Variants in OSBPL6 observed in about 807,000 individuals in gnomAD.
The protein encoded by OSBPL6 is oxysterol-binding protein-related protein 6.
Under a neutral mutation model 125.8 loss-of-function variants are expected in OSBPL6, and 49 were observed. The observed-to-expected ratio is 0.39, with a 90% CI of 0.31 to 0.49. OSBPL6 has a LOEUF of 0.49. OSBPL6 is among the 20% of genes least tolerant of loss of function. OSBPL6 has a pLI of 0.88. For synonymous variants in OSBPL6, 394 were observed against 391.8 expected (o/e 1.01, Z -0.07); for missense variants, 986 against 1,135.4 (o/e 0.87, Z 1.89).
At chr2:178,265,008 G>C (rs2092184138) in intron 1 of OSBPL6, among the ~76,000 whole-genome samples, 1 of 151,406 alleles carries the variant, frequency 6.6e-6, no homozygotes, top group African/African-American at 2.4e-5. Context: ...TCCTGCCTCA[G>C]CCTCCTGAGT....
Position 178,336,400 on chromosome 2 carries a change from C to A in OSBPL6, c.757C>A (p.Gln253Lys). The change falls in exon 9 of 25, where the codon CAG (glutamine) becomes AAG (lysine). Residue 253 changes from glutamine (Q) to lysine (K), a missense_variant. By Grantham distance (53) the Gln-to-Lys change is moderately conservative (BLOSUM62 1). Transcript: ENST00000190611. The stretch of plus-strand genomic sequence containing the variant: ...CCAGAGTAAAGTGGCAGCCTGGTTA[C>A]AGGACTCGGAAGAGATGGACAGGTG... ...TGQSKVAAWL[Q>K]DSEEMDRCAE... 6.2e-7 allele frequency: 1 copy of A among 1,614,146 alleles called. No individual in the cohort carries two copies. Among genetic ancestry groups the A allele is most frequent in the East Asian group, 2.2e-5 (1 of 44,888 alleles).
intron 1 of OSBPL6, among the ~76,000 whole-genome samples, chr2:178,281,137 G>A (rs1166282249): frequency 6.6e-6 from 1 of 151,028 alleles, no homozygotes; most frequent in Non-Finnish European, 1.5e-5. Flanking sequence ...TCAGCCTCCC[G>A]AATAGCTGGG....
chr2:178,282,659 T>G (rs1282584062), intron 1 of OSBPL6, among the ~76,000 whole-genome samples: 1 of 152,054 alleles, frequency 6.6e-6, no homozygotes, highest in Non-Finnish European at 1.5e-5. Flanking sequence ...TGCTTTTTGT[T>G]TTTTGTTTTT....
rs141006661 is a variant in OSBPL6, at chr2:178,374,428, T to C, written c.1533+401T>C. On this transcript the variant is annotated intron_variant, in intron 15 of 24. Coordinates refer to ENST00000190611, the MANE Select transcript of OSBPL6 (RefSeq NM_032523.4). Reference sequence around the variant, plus strand: ...TACACAGACACATACATATTAGATATTTTTGCTAGGGACATGAATTTAAAC... The same window carrying C: ...TACACAGACACATACATATTAGATACTTTTGCTAGGGACATGAATTTAAAC... 6.0e-3 allele frequency among the ~76,000 whole-genome samples: 920 copies of C among 152,324 alleles called. 7 individuals carry two copies. The highest frequency in any genetic ancestry group is 0.021 in the African/African-American group (879 of 41,566).
At chr2:178,373,041 G>A (rs1693545860) in intron 14 of OSBPL6, among the ~76,000 whole-genome samples, 1 of 152,140 alleles carries the variant, frequency 6.6e-6, no homozygotes, top group South Asian at 2.1e-4. Flanking sequence ...TGATACTAAG[G>A]TCATATTTGT....
At chr2:178,284,744 A>G (rs1684542470) in intron 1 of OSBPL6, among the ~76,000 whole-genome samples, 183 bp from the exon 2 acceptor site, 1 of 152,178 alleles carries the variant, frequency 6.6e-6, no homozygotes, top group Non-Finnish European at 1.5e-5. Context: ...GTCAGTGGTT[A>G]CGTCTTTGAG....
chr2:178,339,684 G>T lies in OSBPL6; in HGVS notation c.907G>T (p.Asp303Tyr), dbSNP rs1193470372. Residue 303 changes from aspartate (D) to tyrosine (Y), a missense_variant, in exon 11 of 25, where the codon GAT becomes TAT. Transcript: ENST00000190611. Reference sequence around the variant, plus strand: ...TTGTGTAATGTAGGCTAACTGTGTAGATATTTCAAAGAAAGACAAGCGGGT... The same window carrying T: ...TTGTGTAATGTAGGCTAACTGTGTATATATTTCAAAGAAAGACAAGCGGGT... ...NFTDMQANCV[D>Y]ISKKDKRVTR... 1 of 1,604,708 alleles carries T rather than the reference G, an allele frequency of 6.2e-7. No homozygotes were observed. The highest frequency in any genetic ancestry group is 1.7e-5 in the Admixed American group (1 of 58,242).
chr2:178,327,045 A>G (rs1688754349), intron 4 of OSBPL6, among the ~76,000 whole-genome samples: 1 of 150,268 alleles, frequency 6.7e-6, no homozygotes, highest in African/African-American at 2.5e-5. Context: ...AAAAGACTAC[A>G]CAGTGGGTAC....
chr2:178,324,621 C>G (rs1202203602), intron 4 of OSBPL6, among the ~76,000 whole-genome samples: 1 of 152,120 alleles, frequency 6.6e-6, no homozygotes, highest in Non-Finnish European at 1.5e-5. Flanking sequence ...AAAATAATAA[C>G]AGCTACCATT....
intron 8 of OSBPL6, among the ~76,000 whole-genome samples, chr2:178,334,160 A>C (rs1179812943): frequency 6.6e-6 from 1 of 152,208 alleles, no homozygotes; most frequent in Non-Finnish European, 1.5e-5. Flanking sequence ...CCTTTGATTC[A>C]ATAATTAAGT....
chr2:178,320,955 C>T (rs924335476), intron 3 of OSBPL6, among the ~76,000 whole-genome samples: 11 of 152,188 alleles, frequency 7.2e-5, no homozygotes, highest in East Asian at 3.9e-4. Context: ...GTCAAGAGAT[C>T]GAGACCATCC....
At chr2:178,330,788 C>A (rs752324297) in intron 5 of OSBPL6, among the ~76,000 whole-genome samples, 1 of 152,018 alleles carries the variant, frequency 6.6e-6, no homozygotes, top group Non-Finnish European at 1.5e-5. Context: ...TTGACCGGGC[C>A]CTGGGAGCTG....
At chr2:178,203,942 G>C (rs999139622) in intron 1 of OSBPL6, among the ~76,000 whole-genome samples, 5 of 151,650 alleles carry the variant, frequency 3.3e-5, no homozygotes, top group Non-Finnish European at 5.9e-5. Flanking sequence ...TCTCTAGTGC[G>C]TTCTAGTGTT....
At chr2:178,200,860 A>G (rs1268826559) in intron 1 of OSBPL6, among the ~76,000 whole-genome samples, 2 of 151,488 alleles carry the variant, frequency 1.3e-5, no homozygotes, top group African/African-American at 4.9e-5. Flanking sequence ...CAGTGGCGCG[A>G]TCTCGGCTCA....
At chr2:178,309,734 G>T (rs1339323503) in intron 3 of OSBPL6, among the ~76,000 whole-genome samples, 1 of 152,160 alleles carries the variant, frequency 6.6e-6, no homozygotes, top group African/African-American at 2.4e-5. Context: ...AGCAAAACTG[G>T]CTCTTTGTGT....
intron 1 of OSBPL6, among the ~76,000 whole-genome samples, chr2:178,267,267 T>C (rs550527642): frequency 7.8e-4 from 117 of 149,346 alleles, no homozygotes; most frequent in African/African-American, 2.6e-3. Flanking sequence ...GGCAGGAGAA[T>C]TGCTTCAACC....
chr2:178,278,896 G>A (rs1033563285), intron 1 of OSBPL6, among the ~76,000 whole-genome samples: 5 of 152,206 alleles, frequency 3.3e-5, no homozygotes, highest in African/African-American at 7.2e-5. Context: ...GTGTTGTACT[G>A]TGTATTGTGC....
chr2:178,340,698 T>C (rs956552334), intron 11 of OSBPL6, among the ~76,000 whole-genome samples: 5 of 152,148 alleles, frequency 3.3e-5, no homozygotes, highest in African/African-American at 1.2e-4. Context: ...ATTTATATTC[T>C]AATACAAAGG....
chr2:178,242,827 CA>C (rs1333052243), intron 1 of OSBPL6, among the ~76,000 whole-genome samples: 1 of 151,622 alleles, frequency 6.6e-6, no homozygotes, highest in African/African-American at 2.4e-5. Context: ...AAGGCCTGTC[CA>C]AAAAATTAAA....
Sources: allele counts gnomAD v4.1 joint callset (sites outside exome capture counted in the v4.1 genomes callset), GRCh38; gene constraint gnomAD v4.1.1; transcripts MANE v1.5; gene names NCBI Gene and HGNC (gene_info 2026-07-23, HGNC 2026-07-21).